NEURL1: variants seen among roughly 807,000 people sequenced by gnomAD.
NEURL1 encodes the protein neuralized E3 ubiquitin protein ligase 1.
NEURL1 carries 26 observed loss-of-function variants against 41.2 expected under a neutral mutation model. That is an observed-to-expected ratio of 0.63 (90% confidence interval 0.46 to 0.87). The LOEUF (loss-of-function observed/expected upper bound fraction) is 0.87, where lower values mean the gene tolerates loss of function less well. Ranked by LOEUF, NEURL1 falls within the 40% of genes least tolerant of loss-of-function variation. NEURL1 has a pLI of 0.00. For missense variants in NEURL1, 761 were observed against 871.1 expected (o/e 0.87, Z 1.59); for synonymous variants, 400 against 402.3 (o/e 0.99, Z 0.07).
At chr10:103,581,096 G>C (rs2035775554) in intron 3 of NEURL1, among the ~76,000 whole-genome samples, 1 of 152,206 alleles carries the variant, frequency 6.6e-6, no homozygotes, top group South Asian at 2.1e-4. Context: ...TTATCGGGTA[G>C]CTTCTGGGTG....
rs577346211 is a variant in NEURL1 at position 103,542,681 on chromosome 10, T to A, written c.86-28191T>A. On this transcript the variant is annotated intron_variant, in intron 1 of 5. Transcript: ENST00000369780. ...AGCCACCATGTCCATTACAGTCACT[T>A]ACTAGTTTTTTGTGGCTTAGACAAG... Among the ~76,000 whole-genome samples the A allele has an allele frequency of 3.9e-5, 6 of 152,334 alleles. No homozygotes were observed. In the South Asian group the frequency reaches 1.2e-3, roughly 32 times the overall value.
intron 1 of NEURL1, chr10:103,548,937 T>C (rs1156971080): frequency 2.0e-5 from 3 of 152,256 alleles, no homozygotes; most frequent in Non-Finnish European, 4.4e-5. Context: ...CCATCCACCC[T>C]TCCTGACCTG....
chr10:103,547,268 AC>A (rs1030931847), intron 1 of NEURL1, among the ~76,000 whole-genome samples: 40 of 152,302 alleles, frequency 2.6e-4, no homozygotes, highest in African/African-American at 9.6e-4. Context: ...CACTGGTGGC[AC>A]TGAGTAGTAT....
chr10:103,561,262 C>CTTT (rs767348574), intron 1 of NEURL1, among the ~76,000 whole-genome samples: 4 of 141,744 alleles, frequency 2.8e-5, no homozygotes, highest in African/African-American at 2.6e-5. Flanking sequence ...CTCTGTATTC[C>CTTT]TTTTTTTTTT....
intron 1 of NEURL1, among the ~76,000 whole-genome samples, chr10:103,559,120 C>T (rs527962980): frequency 3.3e-5 from 5 of 152,254 alleles, no homozygotes; most frequent in South Asian, 4.1e-4. Context: ...CCCCACTTAC[C>T]GTTCTTGGGT....
intron 1 of NEURL1, among the ~76,000 whole-genome samples, chr10:103,521,308 G>C (rs1026637906): frequency 4.6e-5 from 7 of 152,316 alleles, no homozygotes; most frequent in African/African-American, 1.7e-4. Context: ...CAGAAGGGAA[G>C]AAATGACCGC....
intron 1 of NEURL1, among the ~76,000 whole-genome samples, chr10:103,563,909 T>A (rs921330495): frequency 6.6e-6 from 1 of 152,154 alleles, no homozygotes; most frequent in African/African-American, 2.4e-5. Context: ...CAGAGTGGCA[T>A]TGGGGGCATA....
chr10:103,494,477 G>C lies in NEURL1; in HGVS notation c.85+5G>C. 5 of 1,560,126 alleles carry C rather than the reference G, an allele frequency of 3.2e-6. No homozygotes were observed. Among genetic ancestry groups the C allele is most frequent in the Non-Finnish European group, 4.3e-6 (5 of 1,153,118 alleles). Reference sequence around the variant, plus strand: ...GCCACCCCCAGAACCTCAAAGGTAGGCTCCCCGGCCGAGCGCTGCTGGAGG... The same window carrying C: ...GCCACCCCCAGAACCTCAAAGGTAGCCTCCCCGGCCGAGCGCTGCTGGAGG... On this transcript the variant is annotated splice_donor_5th_base_variant and intron_variant, in intron 1 of 5. Transcript: ENST00000369780.
At chr10:103,526,928 CT>C (rs112480877) in intron 1 of NEURL1, among the ~76,000 whole-genome samples, 266 of 147,090 alleles carry the variant, frequency 1.8e-3, no homozygotes, top group Middle Eastern at 3.5e-3. Context: ...GTGGTATCAT[CT>C]TTTTTTTTTT....
chr10:103,517,121 G>C (rs1302171227), intron 1 of NEURL1, among the ~76,000 whole-genome samples: 1 of 151,526 alleles, frequency 6.6e-6, no homozygotes, highest in East Asian at 2.0e-4. Context: ...CCACCTCCTG[G>C]GCTCAAGGGA....
rs559092551 is a variant in NEURL1, at chr10:103,536,752, G to A, written c.86-34120G>A. Reference sequence around the variant, plus strand: ...TGTTTCTGTACTTAAAAAAATTATGGTAAAATACACATAACATAAAATTTA... The same window carrying A: ...TGTTTCTGTACTTAAAAAAATTATGATAAAATACACATAACATAAAATTTA... On this transcript the variant is annotated intron_variant, in intron 1 of 5. Coordinates refer to ENST00000369780, the MANE Select transcript of NEURL1 (RefSeq NM_004210.5). Among the ~76,000 whole-genome samples, 68 of 152,074 alleles carry A rather than the reference G, an allele frequency of 4.5e-4. 1 individual carries two copies. The highest frequency in any genetic ancestry group is 1.1e-3 in the Admixed American group (17 of 15,258).
At chr10:103,562,979 A>G (rs562530231) in intron 1 of NEURL1, among the ~76,000 whole-genome samples, 2 of 152,252 alleles carry the variant, frequency 1.3e-5, no homozygotes, top group Admixed American at 1.3e-4. Context: ...TCCTTCTCCC[A>G]CCAGGAGTCA....
In NEURL1 at chr10:103,571,486, C is replaced by G. The variant is rs1048113395; in HGVS notation, c.328-15C>G. On this transcript the variant is annotated splice_polypyrimidine_tract_variant and intron_variant, in intron 2 of 5. Coordinates refer to ENST00000369780, the MANE Select transcript of NEURL1 (RefSeq NM_004210.5). ...AGTGGGAGAGGGTGGGCTGAGGCCA[C>G]CCCCTGCCACCCAGATCACCAAGAA... is the stretch of plus-strand genomic sequence containing the variant. 2.7e-5 allele frequency: 43 copies of G among 1,587,510 alleles called. No homozygotes were observed. The highest frequency in any genetic ancestry group is 3.4e-5 in the Non-Finnish European group (40 of 1,172,266).
chr10:103,552,084 C>T (rs911536917), intron 1 of NEURL1, among the ~76,000 whole-genome samples: 11 of 152,186 alleles, frequency 7.2e-5, no homozygotes, highest in East Asian at 3.9e-4. Context: ...ATGTGAAGCC[C>T]GAGGGGAGTG....
chr10:103,569,601 C>G (rs1279452338), intron 1 of NEURL1, among the ~76,000 whole-genome samples: 1 of 152,246 alleles, frequency 6.6e-6, no homozygotes, highest in African/African-American at 2.4e-5. Flanking sequence ...GCTTCCCCTC[C>G]TCTGCACTAT....
intron 1 of NEURL1, among the ~76,000 whole-genome samples, chr10:103,502,828 T>C (rs1024218805): frequency 6.6e-6 from 1 of 152,314 alleles, no homozygotes; most frequent in Non-Finnish European, 1.5e-5. Context: ...GCCGCCTGTT[T>C]CCTGTTAGTT....
intron 4 of NEURL1, among the ~76,000 whole-genome samples, chr10:103,587,465 T>A (rs973044395): frequency 6.6e-6 from 1 of 152,218 alleles, no homozygotes; most frequent in African/African-American, 2.4e-5. Flanking sequence ...CTGATCTGTT[T>A]GGAAAATTGG....
chr10:103,540,747 G>GA (rs2034804475), intron 1 of NEURL1, among the ~76,000 whole-genome samples: 1 of 152,200 alleles, frequency 6.6e-6, no homozygotes, highest in African/African-American at 2.4e-5. Context: ...AGGGTGATTT[G>GA]TGTATAAAAT....
At chr10:103,553,531 G>T (rs2035079966) in intron 1 of NEURL1, among the ~76,000 whole-genome samples, 1 of 152,176 alleles carries the variant, frequency 6.6e-6, no homozygotes, top group Admixed American at 6.5e-5. Flanking sequence ...GCTCAGGGGA[G>T]CATCGGCCGA....
Sources: gnomAD v4.1 joint callset for allele counts (sites outside exome capture counted in the v4.1 genomes callset) on GRCh38, gnomAD v4.1.1 for gene constraint, MANE v1.5 for transcripts, NCBI Gene and HGNC (gene_info 2026-07-23, HGNC 2026-07-21) for gene names.